Variants in SCG5 observed in about 807,000 individuals in gnomAD.
The protein encoded by SCG5 is secretogranin V.
A neutral mutation model predicts 25.7 loss-of-function variants in SCG5; 18 were observed. The observed-to-expected ratio is 0.70, with a 90% CI of 0.48 to 1.04. The LOEUF (loss-of-function observed/expected upper bound fraction) is 1.04. SCG5 is among the 50% of genes least tolerant of loss of function. SCG5 has a pLI of 0.00. For missense variants in SCG5, 206 were observed against 259.8 expected (o/e 0.79, Z 1.42); for synonymous variants, 101 against 91.7 (o/e 1.10, Z -0.58).
At chr15:32,679,173 A>T (rs910336951) in intron 2 of SCG5, among the ~76,000 whole-genome samples, 3 of 150,064 alleles carry the variant, frequency 2.0e-5, no homozygotes, top group Non-Finnish European at 4.4e-5. Flanking sequence ...AGCCAAATGG[A>T]ACTCTCCCTT....
chr15:32,677,918 C>G (rs2054556605), intron 2 of SCG5, among the ~76,000 whole-genome samples: 1 of 152,174 alleles, frequency 6.6e-6, no homozygotes, highest in African/African-American at 2.4e-5. Context: ...TGTTCTTATT[C>G]ACTGCTGTGT....
At chr15:32,653,564 A>G (rs1027893523) in intron 2 of SCG5, among the ~76,000 whole-genome samples, 1 of 152,232 alleles carries the variant, frequency 6.6e-6, no homozygotes, top group Non-Finnish European at 1.5e-5. Flanking sequence ...CAGTTATTTT[A>G]AAGAGTTGGC....
chr15:32,691,863 C>T (rs756140482), intron 5 of SCG5, 100 bp downstream of exon 5: 4 of 1,550,930 alleles, frequency 2.6e-6, no homozygotes, highest in Non-Finnish European at 3.5e-6. Flanking sequence ...GTCACAGAAT[C>T]CTCCCTTGTG....
chr15:32,690,063 G>C (rs1031664982), intron 4 of SCG5, among the ~76,000 whole-genome samples: 12 of 152,222 alleles, frequency 7.9e-5, no homozygotes, highest in Non-Finnish European at 1.6e-4. Context: ...GGATGGTCTC[G>C]ATCTCCTGAC....
chr15:32,685,909 C>T (rs1447068976), intron 4 of SCG5, among the ~76,000 whole-genome samples: 2 of 152,212 alleles, frequency 1.3e-5, no homozygotes, highest in Non-Finnish European at 2.9e-5. Flanking sequence ...GATGGCCTTG[C>T]TTACTGCTTT....
In SCG5 at chr15:32,643,640, G is replaced by C; in HGVS notation, c.48G>C (p.Trp16Cys). 6.2e-7 allele frequency: 1 copy of C among 1,613,848 alleles called. No individual in the cohort carries two copies. The highest frequency in any genetic ancestry group is 1.1e-5 in the South Asian group (1 of 91,062). Residue 16 changes from tryptophan (W) to cysteine (C), a missense_variant, in exon 2 of 6, where the codon TGG (tryptophan) becomes TGC (cysteine). Transcript: ENST00000300175. ...VSTMLSGLLF[W>C]LASGWTPAFA... ...CCATGCTATCTGGCCTACTGTTTTGGCTGGCATCTGGATGGACTCCAGCAT... is the reference window on the plus strand; with the variant it reads ...CCATGCTATCTGGCCTACTGTTTTGCCTGGCATCTGGATGGACTCCAGCAT...
chr15:32,695,523 G>C (rs1166700513), intron 5 of SCG5, among the ~76,000 whole-genome samples: 2 of 152,092 alleles, frequency 1.3e-5, no homozygotes, highest in East Asian at 1.9e-4. Context: ...ACACATGAAA[G>C]TGATTTCAGA....
intron 2 of SCG5, among the ~76,000 whole-genome samples, chr15:32,670,779 G>C (rs2054407772): frequency 6.6e-6 from 1 of 152,202 alleles, no homozygotes; most frequent in Non-Finnish European, 1.5e-5. Context: ...TTGTAACTTT[G>C]TTAGGCAAAG....
intron 2 of SCG5, among the ~76,000 whole-genome samples, chr15:32,678,514 A>G (rs1595812566): frequency 6.6e-6 from 1 of 152,368 alleles, no homozygotes. Context: ...AAGAAAATCT[A>G]AAAATTGATT....
rs146702731 is a variant in SCG5 at position 32,661,015 on chromosome 15, T to C, written c.226+17197T>C. Among the ~76,000 whole-genome samples the C allele has an allele frequency of 1.2e-4, 19 of 152,368 alleles. No homozygotes were observed. In the East Asian group the frequency reaches 3.7e-3, roughly 29 times the overall value. On this transcript the variant is annotated intron_variant, in intron 2 of 5. Transcript: ENST00000300175. ...CAAAAGGAAATACAAAATTGAGTAA[T>C]AGTGTTGGAGGAGAAGGAAGCAAAT...
chr15:32,685,278 G>T (rs2054688236), intron 4 of SCG5, among the ~76,000 whole-genome samples: 1 of 152,210 alleles, frequency 6.6e-6, no homozygotes, highest in South Asian at 2.1e-4. Context: ...CTAAAAACAA[G>T]TCTTGCCAAT....
At chr15:32,676,648 A>T (rs940060227) in intron 2 of SCG5, among the ~76,000 whole-genome samples, 1 of 152,254 alleles carries the variant, frequency 6.6e-6, no homozygotes, top group Non-Finnish European at 1.5e-5. Flanking sequence ...GAAGGTAGCT[A>T]TCACAAATGA....
chr15:32,643,891 C>A, intron 2 of SCG5, 73 bp downstream of exon 2: 1 of 1,322,884 alleles, frequency 7.6e-7, no homozygotes, highest in South Asian at 1.2e-5. Context: ...CTTCTCACAA[C>A]AACCTTATAA....
intron 2 of SCG5, among the ~76,000 whole-genome samples, chr15:32,651,598 T>C (rs1264832593): frequency 1.3e-5 from 2 of 152,224 alleles, no homozygotes; most frequent in African/African-American, 4.8e-5. Flanking sequence ...GAGGAACCAA[T>C]GAGAACATTG....
chr15:32,663,514 T>C (rs1443234167), intron 2 of SCG5, among the ~76,000 whole-genome samples: 1 of 152,178 alleles, frequency 6.6e-6, no homozygotes, highest in Non-Finnish European at 1.5e-5. Context: ...ATAGACTTAC[T>C]GTTTTAAAAG....
chr15:32,692,088 C>T, intron 5 of SCG5: 1 of 1,182,066 alleles, frequency 8.5e-7, no homozygotes, highest in South Asian at 3.5e-5. Flanking sequence ...TGTCTGCCCT[C>T]CCAGGGTCTG....
intron 2 of SCG5, among the ~76,000 whole-genome samples, chr15:32,646,919 G>A (rs1341803661): frequency 6.6e-6 from 1 of 152,088 alleles, no homozygotes; most frequent in Non-Finnish European, 1.5e-5. Flanking sequence ...ACCAAGTTGG[G>A]AAAGTTTATT....
At chr15:32,659,189 C>CT (rs1478642596) in intron 2 of SCG5, among the ~76,000 whole-genome samples, 1 of 149,218 alleles carries the variant, frequency 6.7e-6, no homozygotes, top group African/African-American at 2.4e-5. Flanking sequence ...AAAAAACAAA[C>CT]AAAAAAAACC....
At chr15:32,658,919 G>A (rs1426545135) in intron 2 of SCG5, among the ~76,000 whole-genome samples, 6 of 152,294 alleles carry the variant, frequency 3.9e-5, no homozygotes, top group East Asian at 3.9e-4. Context: ...GCTTATGCCC[G>A]TAATCCCAGC....
Sources: allele counts gnomAD v4.1 joint callset (sites outside exome capture counted in the v4.1 genomes callset), GRCh38; gene constraint gnomAD v4.1.1; transcripts MANE v1.5; gene names NCBI Gene and HGNC (gene_info 2026-07-23, HGNC 2026-07-21).